WAC: variants seen among roughly 807,000 people sequenced by gnomAD.
The protein encoded by WAC is WW domain containing adaptor with coiled-coil.
Under a neutral mutation model 79.6 loss-of-function variants are expected in WAC, and 11 were observed. The observed-to-expected ratio is 0.14, with a 90% CI of 0.09 to 0.23. The LOEUF is 0.23. Ranked by LOEUF, WAC falls within the 10% of genes least tolerant of loss-of-function variation. The pLI is 1.00. For missense variants in WAC, 728 were observed against 773.5 expected (o/e 0.94, Z 0.70); for synonymous variants, 304 against 276.9 (o/e 1.10, Z -0.97).
At position 28,611,925 on chromosome 10, in the gene WAC, A is replaced by C. The variant is rs1339728885; in HGVS notation, c.1437+3A>C. 6.2e-7 allele frequency: 1 copy of C among 1,609,332 alleles called. No individual in the cohort carries two copies. The highest frequency in any genetic ancestry group is 8.5e-7 in the Non-Finnish European group (1 of 1,178,884). ...CTCCTGTTTCATCACAGCCAAAGGT[A>C]TGTCACCTTTGAGGGACATTCGGAA... On this transcript the variant is annotated splice_donor_region_variant and intron_variant, in intron 10 of 13. Coordinates refer to ENST00000354911, the MANE Select transcript of WAC (RefSeq NM_016628.5).
chr10:28,578,291 C>G (rs2532742), intron 3 of WAC, among the ~76,000 whole-genome samples: 53,929 of 152,030 alleles, frequency 0.35, 10,370 homozygotes, highest in East Asian at 0.54. Context: ...CCTATTTTTG[C>G]TTTTGTCTGA....
At position 28,595,868 on chromosome 10, in the gene WAC, C is replaced by G; in HGVS notation, c.746C>G (p.Pro249Arg). 6.2e-7 allele frequency: 1 copy of G among 1,614,184 alleles called. No individual in the cohort carries two copies. The highest frequency in any genetic ancestry group is 8.5e-7 in the Non-Finnish European group (1 of 1,179,996). ...AGTAGTTCTACGCCAGTACAGCACC[C>G]CATCAAACCAGTGGTTCATCCAACT... The part of the protein sequence containing the change: ...THSSSTPVQH[P>R]IKPVVHPTAT... The change falls in exon 7 of 14, where the codon CCC becomes CGC. Residue 249 changes from proline (P) to arginine (R), a missense_variant. Pro to Arg is a moderately radical substitution (Grantham distance 103, BLOSUM62 -2). Around this residue, in one of 3 missense-constraint regions of WAC, gnomAD observed 648 missense variants for 661.5 expected, o/e 0.98. Coordinates refer to ENST00000354911, the MANE Select transcript of WAC (RefSeq NM_016628.5).
intron 3 of WAC, among the ~76,000 whole-genome samples, chr10:28,581,753 G>A (rs1308106011): frequency 6.6e-6 from 1 of 150,794 alleles, no homozygotes; most frequent in Non-Finnish European, 1.5e-5. Flanking sequence ...TAGAGATGGG[G>A]TTTTACCATG....
chr10:28,559,356 G>T (rs1485639221), intron 3 of WAC, among the ~76,000 whole-genome samples: 1 of 152,168 alleles, frequency 6.6e-6, no homozygotes, highest in East Asian at 1.9e-4. Context: ...GCAGAGAACA[G>T]TAAATGTCCA....
At chr10:28,609,138 G>A (rs1198968074) in intron 8 of WAC, among the ~76,000 whole-genome samples, 1 of 152,206 alleles carries the variant, frequency 6.6e-6, no homozygotes, top group East Asian at 1.9e-4. Flanking sequence ...GAGGCGGGTG[G>A]ATCACCTGAG....
At chr10:28,611,522 T>C in intron 9 of WAC, 5 of 1,382,426 alleles carry the variant, frequency 3.6e-6, no homozygotes, top group Non-Finnish European at 4.7e-6. Flanking sequence ...CAGGCCTAGC[T>C]TCCTGTTCCA....
intron 3 of WAC, among the ~76,000 whole-genome samples, chr10:28,552,435 T>G (rs1482206841): frequency 2.0e-5 from 3 of 152,188 alleles, no homozygotes; most frequent in Non-Finnish European, 4.4e-5. Context: ...CTATTGTAAT[T>G]CTTTCAATAT....
At chr10:28,541,415 GTTT>G (rs143772149) in intron 3 of WAC, among the ~76,000 whole-genome samples, 1,500 of 37,740 alleles carry the variant, frequency 0.04, 139 homozygotes, top group East Asian at 0.097. Flanking sequence ...GTGTGTGTGT[GTTT>G]TGTTTTTTTT....
intron 3 of WAC, among the ~76,000 whole-genome samples, chr10:28,578,538 C>T (rs1839367238): frequency 6.6e-6 from 1 of 152,110 alleles, no homozygotes; most frequent in Non-Finnish European, 1.5e-5. Flanking sequence ...GCCTTTCCCA[C>T]TGCCATTTAA....
intron 3 of WAC, among the ~76,000 whole-genome samples, chr10:28,552,968 T>TA (rs1360924898): frequency 6.6e-6 from 1 of 151,764 alleles, no homozygotes; most frequent in Non-Finnish European, 1.5e-5. Flanking sequence ...TCGATTTTTG[T>TA]ACTTTAATTT....
intron 6 of WAC, among the ~76,000 whole-genome samples, chr10:28,594,840 A>G (rs1840271229): frequency 6.6e-6 from 1 of 152,182 alleles, no homozygotes; most frequent in African/African-American, 2.4e-5. Flanking sequence ...GGAATATTGT[A>G]ATTTAGATTG....
intron 3 of WAC, among the ~76,000 whole-genome samples, chr10:28,582,886 A>C (rs1350259876): frequency 1.3e-5 from 2 of 152,162 alleles, no homozygotes; most frequent in Non-Finnish European, 2.9e-5. Context: ...ACCTTCCCTG[A>C]GACTCTTTAA....
chr10:28,533,645 C>CGGGCGGCGGCGGG (rs574005797), intron 1 of WAC, 25 bp downstream of exon 1: 54 of 1,500,978 alleles, frequency 3.6e-5, no homozygotes, highest in African/African-American at 1.7e-4. Flanking sequence ...CGTTTCGGGC[C>CGGGCGGCGGCGGG]GGGCGGCGGC....
At chr10:28,558,547 A>C (rs1838124289) in intron 3 of WAC, among the ~76,000 whole-genome samples, 1 of 152,198 alleles carries the variant, frequency 6.6e-6, no homozygotes, top group East Asian at 1.9e-4. Context: ...TATGTGTAGC[A>C]ATCTATTTGT....
At chr10:28,547,366 C>G (rs1272135224) in intron 3 of WAC, among the ~76,000 whole-genome samples, 1 of 152,060 alleles carries the variant, frequency 6.6e-6, no homozygotes, top group Non-Finnish European at 1.5e-5. Context: ...GAAACCCCGT[C>G]TCTACTAAAA....
At chr10:28,540,496 G>A (rs893369762) in intron 3 of WAC, among the ~76,000 whole-genome samples, 2 of 152,134 alleles carry the variant, frequency 1.3e-5, no homozygotes, top group African/African-American at 2.4e-5. Flanking sequence ...AGTTCTAGGC[G>A]CAGTTATCAC....
chr10:28,541,004 A>G (rs1458644216), intron 3 of WAC, among the ~76,000 whole-genome samples: 7 of 152,080 alleles, frequency 4.6e-5, no homozygotes, highest in Non-Finnish European at 1.0e-4. Context: ...AACTTTTTAT[A>G]TTTTTAGAGA....
At position 28,565,010 on chromosome 10, in the gene WAC, C is replaced by G. The variant is rs529090508; in HGVS notation, c.275-18389C>G. Among the ~76,000 whole-genome samples, 53 of 152,324 alleles carry G rather than the reference C, an allele frequency of 3.5e-4. No individual in the cohort carries two copies. The East Asian group carries it at 6.7e-3, about 19-fold the overall frequency. On this transcript the variant is annotated intron_variant, in intron 3 of 13. Coordinates refer to ENST00000354911, the MANE Select transcript of WAC (RefSeq NM_016628.5). ...AAGGCACAGCCTAACCTTCCATAACCCTTAGTAACTACTAATCTGTTCTCA... is the reference window on the plus strand; with the variant it reads ...AAGGCACAGCCTAACCTTCCATAACGCTTAGTAACTACTAATCTGTTCTCA...
At chr10:28,578,501 G>C (rs1839365397) in intron 3 of WAC, among the ~76,000 whole-genome samples, 1 of 152,182 alleles carries the variant, frequency 6.6e-6, no homozygotes, top group Non-Finnish European at 1.5e-5. Context: ...ACTGAAAACT[G>C]TTGTTCCACC....
Sources: allele counts gnomAD v4.1 joint callset (sites outside exome capture counted in the v4.1 genomes callset), GRCh38; gene constraint gnomAD v4.1.1; regional missense constraint gnomAD v4.1.1; transcripts MANE v1.5; gene names NCBI Gene and HGNC (gene_info 2026-07-23, HGNC 2026-07-21).